CEP290: variants seen among roughly 807,000 people sequenced by gnomAD.
CEP290 encodes the protein centrosomal protein 290, also known as centrosomal protein of 290 kDa.
A neutral mutation model predicts 344.9 loss-of-function variants in CEP290; 317 were observed. The ratio of observed to expected loss-of-function variants is 0.92; its 90% CI spans 0.84 to 1.01. The LOEUF (loss-of-function observed/expected upper bound fraction) is 1.01. CEP290 is among the 50% of genes least tolerant of loss of function. The probability of loss-of-function intolerance (pLI) is 0.00; values close to 1 mark genes in which losing one functional copy is unlikely to be tolerated. For synonymous variants in CEP290, 932 were observed against 895.8 expected (o/e 1.04, Z -0.72); for missense variants, 2,754 against 2,761.4 (o/e 1.00, Z 0.06).
intron 10 of CEP290, 67 bp from the exon 11 acceptor site, chr12:88,129,102 T>G: frequency 1.3e-6 from 1 of 788,094 alleles, no homozygotes; most frequent in African/African-American, 1.8e-5. Context: ...CCTGTGCATA[T>G]TTACATATAC....
rs544516911 is a variant in CEP290 at position 88,126,493 on chromosome 12, C to T, written c.943-55G>A. The T allele has an allele frequency of 1.6e-5, 19 of 1,214,344 alleles. No individual in the cohort carries two copies. The East Asian group carries it at 4.3e-4, about 27-fold the overall frequency. 75.2% of individuals were successfully genotyped at this position (1,214,344 alleles called of 1,614,324 possible). A position where few individuals can be genotyped will look rare whatever the true frequency, so the allele number is the denominator to read the frequency against. ...GCAAAAGGAAAGTTAATAAAACATT[C>T]TTCATTATCATAAATAATAAACACC... On this transcript the variant is annotated intron_variant, in intron 11 of 53. Transcript: ENST00000552810.
At chr12:88,095,979 A>T (rs1453543111) in intron 27 of CEP290, among the ~76,000 whole-genome samples, 1 of 152,234 alleles carries the variant, frequency 6.6e-6, no homozygotes, top group Non-Finnish European at 1.5e-5. Context: ...AAATATAAAA[A>T]GCTAGTGATT....
intron 18 of CEP290, chr12:88,116,137 C>T (rs1271158554): frequency 2.4e-6 from 2 of 825,274 alleles, no homozygotes; most frequent in Non-Finnish European, 2.9e-6. Flanking sequence ...CTTTTTTGTA[C>T]AAAACTAGTC....
intron 22 of CEP290, among the ~76,000 whole-genome samples, chr12:88,110,842 CT>C (rs1218805644): frequency 6.6e-6 from 1 of 152,160 alleles, no homozygotes; most frequent in Non-Finnish European, 1.5e-5. Context: ...CTTAACACTG[CT>C]TTATAATAGC....
rs373207132 is a variant in CEP290, at chr12:88,092,819, T to C, written c.3323A>G (p.Asn1108Ser). The C allele has an allele frequency of 3.9e-5, 63 of 1,608,834 alleles. No individual in the cohort carries two copies. The highest frequency in any genetic ancestry group is 5.0e-5 in the Non-Finnish European group (59 of 1,178,170). ...ETKFAELTKINLDAQKVEQML... is the reference protein window; with the variant it reads ...ETKFAELTKISLDAQKVEQML... ...CTGTTCCACCTTCTGTGCATCCAAA[T>C]TGATTTTGGTAAGCTAAGGAAATGT... The change falls in exon 29 of 54, where the codon AAT (asparagine) becomes AGT (serine). Residue 1108 changes from asparagine to serine, a missense_variant. By Grantham distance (46) the Asn-to-Ser change is conservative. Transcript: ENST00000552810.
intron 46 of CEP290, 84 bp downstream of exon 46, chr12:88,062,608 G>T: frequency 1.2e-6 from 1 of 836,496 alleles, no homozygotes; most frequent in Non-Finnish European, 2.0e-6. Context: ...AGGCATATCA[G>T]TACTTTTACA....
intron 37 of CEP290, among the ~76,000 whole-genome samples, chr12:88,082,380 A>G (rs1421495644): frequency 6.6e-6 from 1 of 152,174 alleles, no homozygotes; most frequent in East Asian, 1.9e-4. Context: ...GGCCAGGGTA[A>G]GTATTATTAT....
intron 46 of CEP290, among the ~76,000 whole-genome samples, 199 bp from the exon 47 acceptor site, chr12:88,061,193 G>C (rs1685244481): frequency 6.6e-6 from 1 of 152,092 alleles, no homozygotes; most frequent in Non-Finnish European, 1.5e-5. Context: ...CCAAGACTTA[G>C]GAAATTTGAC....
rs1249161159 is a variant in CEP290, at chr12:88,114,404, GAA to G, written c.2052+14_2052+15del. ...AGTGATAGGGGAAAAACATTAACAT[GAA>G]AAAAATAACTTACATTAACTAGTCT... On this transcript the variant is annotated intron_variant, in intron 20 of 53. Coordinates refer to ENST00000552810, the MANE Select transcript of CEP290 (RefSeq NM_025114.4). The G allele has an allele frequency of 5.9e-6, 9 of 1,532,286 alleles. No individual in the cohort carries two copies. In the South Asian group the frequency reaches 1.1e-4, roughly 19 times the overall value. 94.9% of individuals were successfully genotyped at this position (1,532,286 alleles called of 1,614,324 possible).
chr12:88,129,949 A>G (rs963057159), intron 9 of CEP290, 73 bp from the exon 10 acceptor site: 11 of 990,222 alleles, frequency 1.1e-5, no homozygotes, highest in Non-Finnish European at 1.3e-5. Flanking sequence ...ATTAAAATTA[A>G]ACGCAGCCAT....
At chr12:88,077,053 C>G (rs1171027686) in intron 41 of CEP290, among the ~76,000 whole-genome samples, 169 bp downstream of exon 41, 1 of 151,994 alleles carries the variant, frequency 6.6e-6, no homozygotes, top group Admixed American at 6.6e-5. Context: ...AGAACAGAAA[C>G]TTAGACTTTT....
intron 12 of CEP290, 75 bp from the exon 13 acceptor site, chr12:88,125,444 G>T: frequency 1.4e-6 from 1 of 730,656 alleles, no homozygotes. Context: ...AAGTACGTCT[G>T]ATTTTTTTCA....
intron 22 of CEP290, 64 bp downstream of exon 22, chr12:88,111,138 A>C: frequency 4.5e-6 from 4 of 897,628 alleles, no homozygotes; most frequent in Non-Finnish European, 4.6e-6. Context: ...AAAGAAACAT[A>C]CTACCAATGA....
intron 13 of CEP290, among the ~76,000 whole-genome samples, chr12:88,123,417 T>C (rs1214011389): frequency 6.6e-6 from 1 of 152,130 alleles, no homozygotes; most frequent in Non-Finnish European, 1.5e-5. Flanking sequence ...AAAATGACCA[T>C]TGCTAAGTCC....
chr12:88,124,698 C>T (rs2039627390), intron 13 of CEP290, among the ~76,000 whole-genome samples: 2 of 152,032 alleles, frequency 1.3e-5, no homozygotes, highest in Admixed American at 1.3e-4. Context: ...ATGAATTTCC[C>T]ATGAACAGTT....
intron 17 of CEP290, among the ~76,000 whole-genome samples, chr12:88,117,575 G>A (rs1044912948): frequency 2.0e-5 from 3 of 152,106 alleles, no homozygotes; most frequent in Admixed American, 1.3e-4. Context: ...ACGTGCTTGG[G>A]GATTTGGGGC....
rs549051155 is a variant in CEP290, at chr12:88,138,378, G to T, written c.297+767C>A. Reference sequence around the variant, plus strand: ...AATTCATTTAGTATTTATTGAAAGTGCTTGGCATTTTCCCAGGAGCTGGAT... The same window carrying T: ...AATTCATTTAGTATTTATTGAAAGTTCTTGGCATTTTCCCAGGAGCTGGAT... On this transcript the variant is annotated intron_variant, in intron 5 of 53. Transcript: ENST00000552810. Among the ~76,000 whole-genome samples, 4 of 152,280 alleles carry T rather than the reference G, an allele frequency of 2.6e-5. No individual in the cohort carries two copies. The East Asian group carries it at 7.7e-4, about 29-fold the overall frequency.
At chr12:88,109,250 T>C (rs1414063790) in intron 22 of CEP290, 69 bp from the exon 23 acceptor site, 5 of 594,450 alleles carry the variant, frequency 8.4e-6, no homozygotes, top group Non-Finnish European at 1.2e-5. Flanking sequence ...TTTGAAAGTA[T>C]AAATTCATAT....
At chr12:88,057,534 C>A (rs1159651396) in intron 49 of CEP290, among the ~76,000 whole-genome samples, 2 of 152,174 alleles carry the variant, frequency 1.3e-5, no homozygotes, top group East Asian at 3.9e-4. Context: ...TCTCCCACTC[C>A]ATATCATCAC....
Sources: gnomAD v4.1 joint callset for allele counts (sites outside exome capture counted in the v4.1 genomes callset) on GRCh38, gnomAD v4.1.1 for gene constraint, MANE v1.5 for transcripts, NCBI Gene and HGNC (gene_info 2026-07-23, HGNC 2026-07-21) for gene names.